The following SEMA6B variants were observed in gnomAD, a reference collection of about 807,000 sequenced individuals.
SEMA6B encodes the protein semaphorin 6B, also known as semaphorin-6B.
Under a neutral mutation model 78.6 loss-of-function variants are expected in SEMA6B, and 47 were observed. That is an observed-to-expected ratio of 0.60 (90% CI 0.47 to 0.76). The LOEUF (loss-of-function observed/expected upper bound fraction) is 0.76. Among genes scored for constraint, SEMA6B ranks in the 30% least tolerant of loss-of-function variants. The pLI, the probability that SEMA6B is intolerant of heterozygous loss-of-function variation, is 0.00. For synonymous variants in SEMA6B, 632 were observed against 592.2 expected, an observed-to-expected ratio of 1.07 and a Z score of -0.98; for missense variants, 1,213 against 1,269.9, an observed-to-expected ratio of 0.96 and a Z score of 0.68.
chr19:4,543,104 G>A lies in SEMA6B; in HGVS notation c.*497C>T. ...ACGCACACACACGCCCACCTCCCCG[G>A]CCCCTTGCACACGAACACGGCACGC... On this transcript the variant is annotated 3_prime_UTR_variant, in exon 17 of 17. Coordinates refer to ENST00000586582, the MANE Select transcript of SEMA6B (RefSeq NM_032108.4). 1.6e-6 allele frequency: 1 copy of A among 628,422 alleles called. No individual in the cohort carries two copies. Among genetic ancestry groups the A allele is most frequent in the Non-Finnish European group, 2.9e-6 (1 of 347,546 alleles). 38.9% of individuals were successfully genotyped at this position (628,422 alleles called of 1,614,324 possible).
Position 4,552,401 on chromosome 19 carries a change from C to T in SEMA6B, c.989+21G>A, listed in dbSNP as rs771761340. The T allele has an allele frequency of 6.4e-7, 1 of 1,554,964 alleles. No individual in the cohort carries two copies. Among genetic ancestry groups the T allele is most frequent in the Non-Finnish European group, 8.7e-7 (1 of 1,149,006 alleles). ...ATGCCCACCAAATGCTCCCAGTTTG[C>T]TCCCATTGGTGGGCGCTGACCTGTT... On this transcript the variant is annotated intron_variant, in intron 10 of 16. Transcript: ENST00000586582. The surrounding 1 kb of genome is among the most constrained non-coding windows in gnomAD (Gnocchi z 7.4).
chr19:4,559,480 C>T (rs1977560164), intron 1 of SEMA6B, 50 bp downstream of exon 1: 1 of 152,214 alleles, frequency 6.6e-6, no homozygotes, highest in Non-Finnish European at 1.5e-5. Context: ...AATTCACCCT[C>T]TGAACCCCCG....
At chr19:4,547,288 T>C (rs576291326) in intron 14 of SEMA6B, among the ~76,000 whole-genome samples, 1 of 152,272 alleles carries the variant, frequency 6.6e-6, no homozygotes, top group East Asian at 1.9e-4. Context: ...TAATAGCAAC[T>C]TCTGGAGTCC....
chr19:4,544,633 T>A lies in SEMA6B; in HGVS notation c.1739-104A>T, dbSNP rs28731213. The A allele has an allele frequency of 0.52, 312,137 of 596,966 alleles. 84,816 individuals are homozygous for A. The highest frequency in any genetic ancestry group is 0.84 in the East Asian group (24,142 of 28,828). 37.0% of individuals were successfully genotyped at this position (596,966 alleles called of 1,614,324 possible). On this transcript the variant is annotated intron_variant, in intron 16 of 16. Transcript: ENST00000586582. The surrounding 1 kb of genome is among the most constrained non-coding windows in gnomAD (Gnocchi z 5.1). ...GTCCTCTTTTTTATTATTTTTATTT[T>A]TTTTTATTTATTTATTTTTTGAGAA...
rs755432623 is a variant in SEMA6B, at chr19:4,558,078, G to A, written c.193C>T (p.Leu65Phe). Residue 65 changes from leucine (L) to phenylalanine (F), a missense_variant, in exon 3 of 17, where the codon CTC becomes TTC. Physicochemically the swap from Leu to Phe is conservative, Grantham distance 22 (BLOSUM62 0). Transcript: ENST00000586582. The surrounding 1 kb of genome is among the most constrained non-coding windows in gnomAD (Gnocchi z 5.1). ...RLTPAEGADD[L>F]NIQRVLRVNR... ...ACCCGCAGGACTCGCTGGATGTTGA[G>A]GTCGTCAGCACCTTCTGCGGGGGTC... 4 of 1,527,274 alleles carry A rather than the reference G, an allele frequency of 2.6e-6. No homozygotes were observed. The highest frequency in any genetic ancestry group is 3.5e-6 in the Non-Finnish European group (4 of 1,128,944). 94.6% of individuals were successfully genotyped at this position (1,527,274 alleles called of 1,614,324 possible).
In SEMA6B at chr19:4,550,985, A is replaced by C. The variant is rs1170938181; in HGVS notation, c.990-55T>G. On this transcript the variant is annotated intron_variant, in intron 10 of 16. Transcript: ENST00000586582. This position sits in a 1 kb window ranked among gnomAD's most constrained non-coding sequence, Gnocchi z 6.6. ...AGCCCGGTGGGAGGCCCCATCTCGG[A>C]CAAGTGCGTGCAGGAGCCTCTGTCT... 4 of 1,602,668 alleles carry C rather than the reference A, an allele frequency of 2.5e-6. No homozygotes were observed. The highest frequency in any genetic ancestry group is 3.4e-6 in the Non-Finnish European group (4 of 1,172,236).
chr19:4,557,131 C>T (rs755733345), intron 4 of SEMA6B, 32 bp downstream of exon 4: 1 of 1,599,134 alleles, frequency 6.3e-7, no homozygotes, highest in South Asian at 1.1e-5. Flanking sequence ...CCTGGCCCTA[C>T]CCCTCCACTC....
chr19:4,549,578 A>C (rs1977265629), intron 12 of SEMA6B, among the ~76,000 whole-genome samples: 1 of 152,180 alleles, frequency 6.6e-6, no homozygotes, highest in East Asian at 1.9e-4. Context: ...TCCCGGGTTC[A>C]TGCCATTCTC....
chr19:4,544,271 C>T lies in SEMA6B; in HGVS notation c.1997G>A (p.Gly666Asp). The change falls in exon 17 of 17, where the codon GGC (glycine) becomes GAC (aspartate). Residue 666 changes from glycine (G) to aspartate (D), a missense_variant. Physicochemically the swap from Gly to Asp is moderately conservative, Grantham distance 94 (BLOSUM62 -1). Transcript: ENST00000586582. The surrounding 1 kb of genome is among the most constrained non-coding windows in gnomAD (Gnocchi z 5.1). ...ERRAQGPGGR[G>D]GGGGGGAGVP... ...CCCGGCGCCACCGCCACCGCCTCCG[C>T]CCCGGCCCCCGGGACCCTGCGCCCT... The T allele has an allele frequency of 7.6e-7, 1 of 1,309,530 alleles. No individual in the cohort carries two copies. The allele number at this position is 1,309,530 out of a possible 1,614,324, so 81.1% of individuals were successfully genotyped here.
intron 12 of SEMA6B, among the ~76,000 whole-genome samples, chr19:4,549,299 CTTTTT>C (rs55771429): frequency 3.4e-4 from 34 of 98,582 alleles, no homozygotes; most frequent in African/African-American, 6.3e-4. Flanking sequence ...CTGTCTACCT[CTTTTT>C]TTTTTTTTTT....
In SEMA6B at chr19:4,544,614, T is replaced by C. The variant is rs1470820507; in HGVS notation, c.1739-85A>G. On this transcript the variant is annotated intron_variant, in intron 16 of 16. Coordinates refer to ENST00000586582, the MANE Select transcript of SEMA6B (RefSeq NM_032108.4). This position sits in a 1 kb window ranked among gnomAD's most constrained non-coding sequence, Gnocchi z 5.1. ...TACCTCCTCGGGGCCCTCTGTCCTC[T>C]TTTTTATTATTTTTATTTTTTTTTA... 3.0e-6 allele frequency: 2 copies of C among 671,382 alleles called. No individual in the cohort carries two copies. The highest frequency in any genetic ancestry group is 4.3e-6 in the Non-Finnish European group (2 of 468,884). The allele number at this position is 671,382 out of a possible 1,614,324, so 41.6% of individuals were successfully genotyped here. A position where few individuals can be genotyped will look rare whatever the true frequency, so the allele number is the denominator to read the frequency against.
In SEMA6B at chr19:4,542,635, A is replaced by G. The variant is rs1388151205; in HGVS notation, c.*966T>C. On this transcript the variant is annotated 3_prime_UTR_variant, in exon 17 of 17. Coordinates refer to ENST00000586582, the MANE Select transcript of SEMA6B (RefSeq NM_032108.4). The stretch of plus-strand genomic sequence containing the variant: ...TTATTGATGGGGAGGGGGCTGGGGG[A>G]GGCAAACTCCAGAGAGGGCAGAGGA... 5.4e-6 allele frequency: 3 copies of G among 553,258 alleles called. No homozygotes were observed. The highest frequency in any genetic ancestry group is 6.6e-6 in the Non-Finnish European group (2 of 302,084). 34.3% of individuals were successfully genotyped at this position (553,258 alleles called of 1,614,324 possible). A position where few individuals can be genotyped will look rare whatever the true frequency, so the allele number is the denominator to read the frequency against.
At position 4,550,750 on chromosome 19, in the gene SEMA6B, G is replaced by GA. The variant is rs751703186; in HGVS notation, c.1121+48dup. 9 of 1,606,464 alleles carry GA rather than the reference G, an allele frequency of 5.6e-6. No individual in the cohort carries two copies. The highest frequency in any genetic ancestry group is 7.7e-6 in the Non-Finnish European group (9 of 1,175,536). On this transcript the variant is annotated intron_variant, in intron 11 of 16. Coordinates refer to ENST00000586582, the MANE Select transcript of SEMA6B (RefSeq NM_032108.4). This position sits in a 1 kb window ranked among gnomAD's most constrained non-coding sequence, Gnocchi z 6.6. ...GGAAGCCCCAGCCCTCGGCCCTGGGGATCAGGACCTCATCCGGGCATGTGA... is the reference window on the plus strand; with the variant it reads ...GGAAGCCCCAGCCCTCGGCCCTGGGGAATCAGGACCTCATCCGGGCATGTGA...
rs748769279 is a variant in SEMA6B at position 4,546,220 on chromosome 19, G to A, written c.1734C>T (p.Cys578=). The change falls in exon 16 of 17, where the codon TGC becomes TGT. Residue 578 remains cysteine (C), a synonymous_variant. Transcript: ENST00000586582. Reference sequence around the variant, plus strand: ...CCTGCCGTCCCCCCAACTCACCTGTGCAGTCCCCTAAGCCTGAGGTGCTGG... The same window carrying A: ...CCTGCCGTCCCCCCAACTCACCTGTACAGTCCCCTAAGCCTGAGGTGCTGG... The part of the protein sequence containing the change: ...SGASTSGLGD[C]TGLLRASLSE... 6 of 1,611,182 alleles carry A rather than the reference G, an allele frequency of 3.7e-6. No individual in the cohort carries two copies. The highest frequency in any genetic ancestry group is 5.1e-6 in the Non-Finnish European group (6 of 1,179,660).
chr19:4,547,949 G>A, intron 14 of SEMA6B, 78 bp downstream of exon 14: 2 of 1,446,936 alleles, frequency 1.4e-6, no homozygotes, highest in South Asian at 2.8e-5. Context: ...TTGGGCTTTT[G>A]ACTGGAACCC....
chr19:4,546,072 A>G, intron 16 of SEMA6B, 144 bp downstream of exon 16: 1 of 853,236 alleles, frequency 1.2e-6, no homozygotes. Flanking sequence ...CGCCCGGCCC[A>G]CCCCATGCCT....
At chr19:4,546,513 T>C (rs770475819) in intron 14 of SEMA6B, 44 bp from the exon 15 acceptor site, 16 of 1,425,166 alleles carry the variant, frequency 1.1e-5, no homozygotes, top group Non-Finnish European at 1.4e-5. Flanking sequence ...TCCAAGTCAC[T>C]TACACAACCC....
Position 4,554,961 on chromosome 19 carries a change from C to G in SEMA6B, c.682+15G>C. ...GCCCTGCCAGGTCTGGGCCCACTGC[C>G]CTTCCTGGTCTCACCTTTGAACCAC... On this transcript the variant is annotated intron_variant, in intron 8 of 16. Coordinates refer to ENST00000586582, the MANE Select transcript of SEMA6B (RefSeq NM_032108.4). 6.2e-7 allele frequency: 1 copy of G among 1,612,174 alleles called. No homozygotes were observed. The highest frequency in any genetic ancestry group is 2.2e-5 in the East Asian group (1 of 44,816).
At position 4,558,475 on chromosome 19, in the gene SEMA6B, A is replaced by G. The variant is rs937888388; in HGVS notation, c.-18T>C. The G allele has an allele frequency of 4.0e-5, 49 of 1,239,488 alleles. No individual in the cohort carries two copies. The highest frequency in any genetic ancestry group is 5.0e-5 in the Non-Finnish European group (49 of 988,556). The allele number at this position is 1,239,488 out of a possible 1,614,324, so 76.8% of individuals were successfully genotyped here. A position where few individuals can be genotyped will look rare whatever the true frequency, so the allele number is the denominator to read the frequency against. ...GTCTGCATGGCGAGGGCCAGGCGAC[A>G]GGAGGAGGTGACGCCTGCGGGCAAG... On this transcript the variant is annotated 5_prime_UTR_variant, in exon 2 of 17. Transcript: ENST00000586582. The surrounding 1 kb of genome is among the most constrained non-coding windows in gnomAD (Gnocchi z 5.1).
Sources: gnomAD v4.1 joint callset for allele counts (sites outside exome capture counted in the v4.1 genomes callset) on GRCh38, gnomAD v4.1.1 for gene constraint, Gnocchi (gnomAD v3.1) non-coding constraint, MANE v1.5 for transcripts, NCBI Gene and HGNC (gene_info 2026-07-23, HGNC 2026-07-21) for gene names.